The following MDN1 variants were observed in gnomAD, a reference collection of about 807,000 sequenced individuals.
The protein encoded by MDN1 is midasin AAA ATPase 1, also known as midasin.
Under a neutral mutation model 669.2 loss-of-function variants are expected in MDN1, and 266 were observed. The ratio of observed to expected loss-of-function variants is 0.40; its 90% CI spans 0.36 to 0.44. The LOEUF is 0.44. MDN1 is among the 20% of genes least tolerant of loss of function. MDN1 has a pLI of 1.00. For missense variants in MDN1, 5,940 were observed against 6,754.0 expected, an observed-to-expected ratio of 0.88 and a Z score of 4.22; for synonymous variants, 2,385 against 2,457.1, an observed-to-expected ratio of 0.97 and a Z score of 0.87.
In MDN1 at chr6:89,743,642, G is replaced by T; in HGVS notation, c.4251C>A (p.His1417Gln). 1 of 1,614,136 alleles carries T rather than the reference G, an allele frequency of 6.2e-7. No homozygotes were observed. The highest frequency in any genetic ancestry group is 8.5e-7 in the Non-Finnish European group (1 of 1,179,962). The change falls in exon 30 of 102, where the codon CAC becomes CAA. Residue 1417 changes from histidine (H) to glutamine (Q), a missense_variant. This residue lies in a region of MDN1 where 2,292 missense variants were observed against 2,638.3 expected (regional missense o/e 0.87). Coordinates refer to ENST00000369393, the MANE Select transcript of MDN1 (RefSeq NM_014611.3). Reference sequence around the variant, plus strand: ...GGAAGTCTGATGTCTCCATGTGTAAGTGGCAGCTGACAGAGTATAATTTCT... The same window carrying T: ...GGAAGTCTGATGTCTCCATGTGTAATTGGCAGCTGACAGAGTATAATTTCT... ...ANQKLYSVSC[H>Q]LHMETSDFLG...
rs770217551 is a variant in MDN1, at chr6:89,730,926, A to G, written c.4943-3T>C. 2.0e-5 allele frequency: 33 copies of G among 1,613,332 alleles called. No individual in the cohort carries two copies. Among genetic ancestry groups the G allele is most frequent in the Non-Finnish European group, 2.8e-5 (33 of 1,179,630 alleles). On this transcript the variant is annotated splice_polypyrimidine_tract_variant and splice_region_variant and intron_variant, in intron 34 of 101. Coordinates refer to ENST00000369393, the MANE Select transcript of MDN1 (RefSeq NM_014611.3). The stretch of plus-strand genomic sequence containing the variant: ...ACCAAACCCAGAGGAAGTTACCCCT[A>G]AAAGACAGAGGATCAGTCCATGAAG...
At chr6:89,680,863 A>G in intron 73 of MDN1, 112 bp from the exon 74 acceptor site, 1 of 1,167,326 alleles carries the variant, frequency 8.6e-7, no homozygotes, top group Non-Finnish European at 1.2e-6. Flanking sequence ...TTCAGCAAAT[A>G]GAGAACAAAT....
rs1814591493 is a variant in MDN1 at position 89,718,619 on chromosome 6, A to G, written c.6330T>C (p.Leu2110=). The change falls in exon 43 of 102, where the codon CTT becomes CTC. Residue 2110 remains leucine (L), a synonymous_variant. Transcript: ENST00000369393. ...ELLGGFEQVD[L]IRPWRRLLEK... Reference sequence around the variant, plus strand: ...CTAGCAGCCTCCTCCAAGGTCGTATAAGATCAACCTGTAATTTCCAGAGGA... The same window carrying G: ...CTAGCAGCCTCCTCCAAGGTCGTATGAGATCAACCTGTAATTTCCAGAGGA... The G allele has an allele frequency of 6.2e-7, 1 of 1,613,538 alleles. No homozygotes were observed. Among genetic ancestry groups the G allele is most frequent in the Non-Finnish European group, 8.5e-7 (1 of 1,179,510 alleles).
At chr6:89,814,008 T>A (rs1029606814) in intron 1 of MDN1, among the ~76,000 whole-genome samples, 12 of 151,164 alleles carry the variant, frequency 7.9e-5, no homozygotes, top group African/African-American at 1.5e-4. Context: ...GGTCCTAAAG[T>A]AAGATGATCA....
chr6:89,785,209 C>T (rs1818895342), intron 8 of MDN1, 83 bp from the exon 9 acceptor site: 2 of 874,672 alleles, frequency 2.3e-6, no homozygotes, highest in Non-Finnish European at 3.8e-6. Context: ...ACTTGCTGTA[C>T]ACTGTCTCAC....
intron 46 of MDN1, 99 bp downstream of exon 46, chr6:89,714,444 A>G (rs1351048706): frequency 9.3e-7 from 1 of 1,077,582 alleles, no homozygotes; most frequent in South Asian, 1.7e-5. Flanking sequence ...ATTTCTATAT[A>G]CACTAAATGT....
intron 33 of MDN1, among the ~76,000 whole-genome samples, chr6:89,733,868 G>A (rs1223888967): frequency 6.6e-6 from 1 of 151,954 alleles, no homozygotes; most frequent in South Asian, 2.1e-4. Context: ...AGAGAAATAG[G>A]TTCACATATG....
intron 73 of MDN1, among the ~76,000 whole-genome samples, chr6:89,682,699 T>TAAAAAAAAAAAA (rs143107841): frequency 6.7e-4 from 65 of 96,886 alleles, no homozygotes; most frequent in Non-Finnish European, 1.1e-3. Flanking sequence ...GACTCTGTCT[T>TAAAAAAAAAAAA]AAAAAAAAAA....
chr6:89,723,629 C>A lies in MDN1; in HGVS notation c.5671-10G>T. The A allele has an allele frequency of 6.8e-7, 1 of 1,460,822 alleles. No homozygotes were observed. Among genetic ancestry groups the A allele is most frequent in the Non-Finnish European group, 9.3e-7 (1 of 1,070,330 alleles). The allele number at this position is 1,460,822 out of a possible 1,614,324, so 90.5% of individuals were successfully genotyped here. Reference sequence around the variant, plus strand: ...GGGGATCAACGAAGACCTAGAAATCCAAAAATAATATGAAGAAATGCCTTT... The same window carrying A: ...GGGGATCAACGAAGACCTAGAAATCAAAAAATAATATGAAGAAATGCCTTT... On this transcript the variant is annotated splice_polypyrimidine_tract_variant and intron_variant, in intron 38 of 101. Coordinates refer to ENST00000369393, the MANE Select transcript of MDN1 (RefSeq NM_014611.3).
intron 85 of MDN1, among the ~76,000 whole-genome samples, chr6:89,663,941 TAAAA>T (rs10716065): frequency 3.5e-5 from 5 of 140,918 alleles, no homozygotes; most frequent in Admixed American, 2.1e-4. Context: ...GACTCCGTCT[TAAAA>T]AAAAAAAAAA....
Position 89,758,239 on chromosome 6 carries a change from A to G in MDN1, c.2702+16T>C, listed in dbSNP as rs1275461556. 9 of 1,592,520 alleles carry G rather than the reference A, an allele frequency of 5.7e-6. No homozygotes were observed. In the African/African-American group the frequency reaches 9.4e-5, roughly 17 times the overall value. The stretch of plus-strand genomic sequence containing the variant: ...CTGTTGCAAAAAAGGAAAGTCTCCA[A>G]GAACCAAACCCTCACCTGTTTCTTA... On this transcript the variant is annotated intron_variant, in intron 19 of 101. Coordinates refer to ENST00000369393, the MANE Select transcript of MDN1 (RefSeq NM_014611.3).
At chr6:89,754,858 A>C (rs1380020576) in intron 20 of MDN1, among the ~76,000 whole-genome samples, 1 of 152,220 alleles carries the variant, frequency 6.6e-6, no homozygotes, top group Non-Finnish European at 1.5e-5. Flanking sequence ...GTTCCTGCCC[A>C]AATGAGCTTT....
chr6:89,757,101 C>G (rs912059447), intron 19 of MDN1, among the ~76,000 whole-genome samples: 1 of 152,042 alleles, frequency 6.6e-6, no homozygotes, highest in African/African-American at 2.4e-5. Flanking sequence ...CCCTAACAAG[C>G]TTTTATTGCT....
intron 11 of MDN1, among the ~76,000 whole-genome samples, chr6:89,779,487 A>G (rs1818536428): frequency 6.6e-6 from 1 of 152,190 alleles, no homozygotes. Context: ...GGTGTCTTAC[A>G]AAGAGGTTCA....
At chr6:89,815,925 G>A (rs1488507679) in intron 1 of MDN1, among the ~76,000 whole-genome samples, 2 of 152,188 alleles carry the variant, frequency 1.3e-5, no homozygotes, top group Non-Finnish European at 2.9e-5. Flanking sequence ...GGGCTCACAG[G>A]TACCTATTTA....
intron 88 of MDN1, among the ~76,000 whole-genome samples, chr6:89,660,450 T>C (rs1809652787): frequency 6.6e-6 from 1 of 152,092 alleles, no homozygotes; most frequent in Non-Finnish European, 1.5e-5. Context: ...TTCCAAAGTG[T>C]TGGGATTACA....
chr6:89,700,562 A>G, intron 56 of MDN1, 84 bp downstream of exon 56: 1 of 1,415,590 alleles, frequency 7.1e-7, no homozygotes, highest in South Asian at 1.3e-5. Context: ...CAGAAAAGAA[A>G]AATCTAAGGG....
chr6:89,653,262 C>G, intron 93 of MDN1, 107 bp from the exon 94 acceptor site: 3 of 1,035,184 alleles, frequency 2.9e-6, no homozygotes, highest in Non-Finnish European at 2.8e-6. Context: ...TTCATTCATT[C>G]ACTCTCCAAC....
At position 89,691,527 on chromosome 6, in the gene MDN1, T is replaced by C. The variant is rs75255199; in HGVS notation, c.10588-693A>G. Among the ~76,000 whole-genome samples, 3 of 152,294 alleles carry C rather than the reference T, an allele frequency of 2.0e-5. No individual in the cohort carries two copies. In the East Asian group the frequency reaches 5.8e-4, roughly 29 times the overall value. ...GCTGTGAGACTATTTACTGTGGCATTGGGTTGGTTTTTGTTTTTTTTTGTT... is the reference window on the plus strand; with the variant it reads ...GCTGTGAGACTATTTACTGTGGCATCGGGTTGGTTTTTGTTTTTTTTTGTT... On this transcript the variant is annotated intron_variant, in intron 63 of 101. Transcript: ENST00000369393.
Sources: allele counts gnomAD v4.1 joint callset (sites outside exome capture counted in the v4.1 genomes callset), GRCh38; gene constraint gnomAD v4.1.1; regional missense constraint gnomAD v4.1.1; transcripts MANE v1.5; gene names NCBI Gene and HGNC (gene_info 2026-07-23, HGNC 2026-07-21).